The following ASCC1 variants were observed in gnomAD, a reference collection of about 807,000 sequenced individuals.
ASCC1 encodes the protein ASC-1 complex subunit P50.
In ASCC1, 35 loss-of-function variants were observed where a neutral mutation model predicts 46.6. The observed-to-expected ratio is 0.75, with a 90% CI of 0.57 to 0.99. The LOEUF is 0.99. Among genes scored for constraint, ASCC1 ranks in the 50% least tolerant of loss-of-function variants. The probability of loss-of-function intolerance (pLI) is 0.00; values close to 1 mark genes in which losing one functional copy is unlikely to be tolerated. For synonymous variants in ASCC1, 143 were observed against 146.6 expected (o/e 0.98, Z 0.18); for missense variants, 376 against 428.7 (o/e 0.88, Z 1.09).
At chr10:72,203,947 G>A (rs369114781) in intron 3 of ASCC1, among the ~76,000 whole-genome samples, 16 of 152,006 alleles carry the variant, frequency 1.1e-4, no homozygotes, top group African/African-American at 3.4e-4. Flanking sequence ...GTAAGACCCC[G>A]TCTCTAAAAA....
chr10:72,170,275 TAATC>T (rs1850901236), intron 5 of ASCC1, among the ~76,000 whole-genome samples: 1 of 151,980 alleles, frequency 6.6e-6, no homozygotes, highest in Admixed American at 6.6e-5. Context: ...ATAAAGAAAT[TAATC>T]AACACTGACT....
upstream of ASCC1, chr10:72,216,883 C>T (rs1000753386): frequency 4.4e-6 from 2 of 456,030 alleles, no homozygotes; most frequent in African/African-American, 4.0e-5. Flanking sequence ...TTTTACTGGG[C>T]ACCTCCGGTG....
intron 2 of ASCC1, 100 bp from the exon 3 acceptor site, chr10:72,210,931 A>T (rs992116564): frequency 9.9e-7 from 1 of 1,012,130 alleles, no homozygotes; most frequent in East Asian, 2.6e-5. Context: ...AAAAAAAGCA[A>T]TACACAGGCA....
chr10:72,172,768 ATTATAT>A (rs1242014353), intron 5 of ASCC1, among the ~76,000 whole-genome samples: 6 of 103,850 alleles, frequency 5.8e-5, no homozygotes, highest in Non-Finnish European at 2.2e-5. Context: ...TATATTATAT[ATTATAT>A]TTTTTATATT....
At position 72,215,607 on chromosome 10, in the gene ASCC1, TA is replaced by T. The variant is rs927229916; in HGVS notation, c.-34+599del. ...AAAAAAGACTTTCAAAGGAAAAGCT[TA>T]AAAAAAAAATGTTCCCCACAAAAAC... On this transcript the variant is annotated intron_variant, in intron 1 of 9. Transcript: ENST00000672957. Among the ~76,000 whole-genome samples the T allele has an allele frequency of 6.9e-3, 1,035 of 149,130 alleles. 6 individuals are homozygous for T. Among genetic ancestry groups the T allele is most frequent in the African/African-American group, 0.024 (957 of 40,626 alleles).
At chr10:72,115,545 A>G (rs1174686217) in intron 9 of ASCC1, among the ~76,000 whole-genome samples, 9 of 152,252 alleles carry the variant, frequency 5.9e-5, no homozygotes, top group Non-Finnish European at 1.3e-4. Context: ...GTAGCTCCAG[A>G]GTCAGGAAGA....
chr10:72,098,085 C>T (rs1010520776), intron 9 of ASCC1, among the ~76,000 whole-genome samples: 2 of 152,130 alleles, frequency 1.3e-5, no homozygotes, highest in Non-Finnish European at 2.9e-5. Context: ...TTCAAGCCAG[C>T]GACCTAAAAT....
At chr10:72,116,150 A>T (rs1044469685) in intron 9 of ASCC1, among the ~76,000 whole-genome samples, 4 of 152,220 alleles carry the variant, frequency 2.6e-5, no homozygotes, top group Non-Finnish European at 4.4e-5. Flanking sequence ...TCTTCATAAA[A>T]TTTTTTATTT....
chr10:72,161,490 A>G, intron 6 of ASCC1, 48 bp downstream of exon 6: 2 of 1,613,626 alleles, frequency 1.2e-6, no homozygotes, highest in Non-Finnish European at 1.7e-6. Flanking sequence ...ACCAAAAAGA[A>G]GCCAGCCCAG....
intron 6 of ASCC1, among the ~76,000 whole-genome samples, chr10:72,154,695 T>C (rs1326916571): frequency 2.0e-5 from 3 of 152,148 alleles, no homozygotes; most frequent in African/African-American, 7.2e-5. Flanking sequence ...TTTTGCCATG[T>C]TGCCCAGGCT....
At position 72,147,641 on chromosome 10, in the gene ASCC1, C is replaced by T. The variant is rs552474136; in HGVS notation, c.746+5228G>A. Among the ~76,000 whole-genome samples the T allele has an allele frequency of 6.6e-5, 10 of 152,270 alleles. No individual in the cohort carries two copies. In the South Asian group the frequency reaches 1.9e-3, roughly 28 times the overall value. The stretch of plus-strand genomic sequence containing the variant: ...AACTTAGCATATACACACTGAAAAC[C>T]TTCTTAGTTCAGGGCACAGCTTTGC... On this transcript the variant is annotated intron_variant, in intron 7 of 9. Transcript: ENST00000672957.
chr10:72,132,399 C>A (rs1845716001), intron 8 of ASCC1, among the ~76,000 whole-genome samples: 1 of 152,116 alleles, frequency 6.6e-6, no homozygotes, highest in Non-Finnish European at 1.5e-5. Context: ...ACAACTATCC[C>A]AAATCAAGGA....
At chr10:72,214,753 C>T (rs1404143020) in intron 1 of ASCC1, among the ~76,000 whole-genome samples, 1 of 151,942 alleles carries the variant, frequency 6.6e-6, no homozygotes, top group Non-Finnish European at 1.5e-5. Context: ...AAAAAAAAGC[C>T]CCTAAGTACT....
At chr10:72,157,245 A>G (rs1849094323) in intron 6 of ASCC1, among the ~76,000 whole-genome samples, 1 of 152,204 alleles carries the variant, frequency 6.6e-6, no homozygotes, top group South Asian at 2.1e-4. Context: ...GCTTCCATCA[A>G]TACACAATGT....
At chr10:72,183,220 T>C (rs1270531520) in intron 5 of ASCC1, among the ~76,000 whole-genome samples, 1 of 152,100 alleles carries the variant, frequency 6.6e-6, no homozygotes, top group Non-Finnish European at 1.5e-5. Context: ...ATTTTTGTAT[T>C]TTTGTAGAGA....
At chr10:72,190,524 G>A (rs1412517481) in intron 5 of ASCC1, 6 of 1,562,410 alleles carry the variant, frequency 3.8e-6, no homozygotes, top group Middle Eastern at 2.1e-4. Context: ...GGTGGTTCTC[G>A]CAGGGCAGCT....
intron 5 of ASCC1, among the ~76,000 whole-genome samples, chr10:72,172,980 A>G (rs1351643133): frequency 1.4e-5 from 2 of 140,324 alleles, no homozygotes; most frequent in Non-Finnish European, 3.0e-5. Flanking sequence ...GTTATATACA[A>G]TATTTTTATA....
At chr10:72,216,759 A>G (rs1051296719), upstream of ASCC1, 2 of 454,262 alleles carry the variant, frequency 4.4e-6, no homozygotes, top group Admixed American at 2.4e-5. Context: ...GGACACAGCA[A>G]TCTGTGTCCA....
chr10:72,197,621 C>CA (rs1434478897), intron 4 of ASCC1, among the ~76,000 whole-genome samples: 1 of 151,550 alleles, frequency 6.6e-6, no homozygotes, highest in Non-Finnish European at 1.5e-5. Context: ...AAAAGTTGAA[C>CA]ATAGCTGGGT....
Sources: allele counts gnomAD v4.1 joint callset (sites outside exome capture counted in the v4.1 genomes callset), GRCh38; gene constraint gnomAD v4.1.1; transcripts MANE v1.5; gene names NCBI Gene and HGNC (gene_info 2026-07-23, HGNC 2026-07-21).